The following GAS2 variants were observed in gnomAD, a reference collection of about 807,000 sequenced individuals.
GAS2 encodes growth arrest specific 2.
GAS2 carries 20 observed loss-of-function variants against 37.5 expected under a neutral mutation model. That is an observed-to-expected ratio of 0.53 (90% CI 0.37 to 0.77). The LOEUF (loss-of-function observed/expected upper bound fraction) is 0.77, where lower values mean the gene tolerates loss of function less well. Ranked by LOEUF, GAS2 falls within the 30% of genes least tolerant of loss-of-function variation. The pLI is 0.00. For synonymous variants in GAS2, 144 were observed against 132.2 expected, an observed-to-expected ratio of 1.09 and a Z score of -0.61; for missense variants, 336 against 373.4, an observed-to-expected ratio of 0.90 and a Z score of 0.82.
intron 3 of GAS2, among the ~76,000 whole-genome samples, chr11:22,696,294 A>G (rs1230687281): frequency 6.6e-6 from 1 of 151,938 alleles, no homozygotes; most frequent in Non-Finnish European, 1.5e-5. Flanking sequence ...ATGGCTGCAT[A>G]GTATTCCATG....
At chr11:22,711,635 G>T (rs984332175) in intron 3 of GAS2, among the ~76,000 whole-genome samples, 3 of 152,200 alleles carry the variant, frequency 2.0e-5, no homozygotes, top group African/African-American at 7.2e-5. Flanking sequence ...CTCACAAGCT[G>T]CCTGGATATA....
chr11:22,654,088 A>G (rs1488283638), intron 1 of GAS2, among the ~76,000 whole-genome samples: 1 of 152,216 alleles, frequency 6.6e-6, no homozygotes. Context: ...TGTGGACTAG[A>G]TATAAACTAA....
intron 4 of GAS2, among the ~76,000 whole-genome samples, chr11:22,732,770 T>TATC (rs35919121): frequency 0.43 from 62,571 of 145,678 alleles, 13,856 homozygotes; most frequent in Middle Eastern, 0.55. Flanking sequence ...CCCCTCCATT[T>TATC]ATCATCATCA....
chr11:22,761,340 G>T (rs547653518), intron 7 of GAS2, among the ~76,000 whole-genome samples: 15 of 152,118 alleles, frequency 9.9e-5, no homozygotes, highest in Non-Finnish European at 2.1e-4. Flanking sequence ...GACAGCCCCA[G>T]TGAATAGAAC....
intron 7 of GAS2, among the ~76,000 whole-genome samples, chr11:22,797,292 A>G (rs947322148): frequency 2.6e-5 from 4 of 152,102 alleles, no homozygotes; most frequent in Admixed American, 6.6e-5. Context: ...GTTTGCTTCC[A>G]GAAAGAGGCT....
intron 7 of GAS2, among the ~76,000 whole-genome samples, chr11:22,805,609 A>G (rs181752838): frequency 1.6e-4 from 24 of 152,222 alleles, no homozygotes; most frequent in Admixed American, 1.3e-3. Context: ...TAGATTCCAC[A>G]TATGAGTGAA....
chr11:22,694,767 T>C (rs1323780515), intron 3 of GAS2, among the ~76,000 whole-genome samples: 6 of 152,128 alleles, frequency 3.9e-5, no homozygotes, highest in Non-Finnish European at 8.8e-5. Flanking sequence ...GTAAATTAAT[T>C]TTGCTGAATC....
At chr11:22,755,366 C>A (rs1853970293) in intron 6 of GAS2, among the ~76,000 whole-genome samples, 1 of 151,860 alleles carries the variant, frequency 6.6e-6, no homozygotes, top group African/African-American at 2.4e-5. Context: ...ACAATAGTCT[C>A]CTTAAAAAAA....
chr11:22,713,778 G>GTCT (rs1851526591), intron 3 of GAS2, among the ~76,000 whole-genome samples: 1 of 152,072 alleles, frequency 6.6e-6, no homozygotes, highest in Non-Finnish European at 1.5e-5. Flanking sequence ...GAGAGATAAA[G>GTCT]TCTTTTTCAG....
intron 3 of GAS2, among the ~76,000 whole-genome samples, chr11:22,721,492 A>G (rs1030433307): frequency 1.3e-5 from 2 of 152,044 alleles, no homozygotes; most frequent in African/African-American, 4.8e-5. Flanking sequence ...AGAGACATGG[A>G]GATGATTTAG....
chr11:22,811,296 G>A (rs1036462553), intron 7 of GAS2, among the ~76,000 whole-genome samples: 1 of 152,096 alleles, frequency 6.6e-6, no homozygotes, highest in Non-Finnish European at 1.5e-5. Flanking sequence ...CAATGACTGG[G>A]GAAAACTCCA....
chr11:22,784,434 A>G (rs958949943), intron 7 of GAS2, among the ~76,000 whole-genome samples: 4 of 151,852 alleles, frequency 2.6e-5, no homozygotes, highest in African/African-American at 9.7e-5. Flanking sequence ...CCATATACCA[A>G]CCTCCCCAGG....
At chr11:22,776,915 G>A (rs563527553) in intron 7 of GAS2, among the ~76,000 whole-genome samples, 6 of 152,232 alleles carry the variant, frequency 3.9e-5, no homozygotes, top group African/African-American at 9.6e-5. Context: ...TTCTAAACTG[G>A]CCTCTCAGCT....
rs147005828 is a variant in GAS2 at position 22,720,633 on chromosome 11, C to T, written c.268-5659C>T. Among the ~76,000 whole-genome samples, 177 of 151,954 alleles carry T rather than the reference C, an allele frequency of 1.2e-3. 2 individuals are homozygous for T. The highest frequency in any genetic ancestry group is 3.6e-3 in the African/African-American group (151 of 41,496). The stretch of plus-strand genomic sequence containing the variant: ...TGGAAAGAGTGAGTTTATTGCCTGC[C>T]TATTTGAACCGTACACTCTATATAC... On this transcript the variant is annotated intron_variant, in intron 3 of 7. Transcript: ENST00000454584.
chr11:22,645,745 G>C (rs1394199086), intron 1 of GAS2, among the ~76,000 whole-genome samples: 1 of 151,632 alleles, frequency 6.6e-6, no homozygotes, highest in African/African-American at 2.4e-5. Context: ...ATTTTGAATT[G>C]TGCCATTATA....
At chr11:22,722,281 C>A (rs1851988062) in intron 3 of GAS2, among the ~76,000 whole-genome samples, 1 of 151,936 alleles carries the variant, frequency 6.6e-6, no homozygotes. Flanking sequence ...TAGGGTCAAT[C>A]AACCAATGTA....
At chr11:22,634,649 G>T (rs898215893) in intron 1 of GAS2, among the ~76,000 whole-genome samples, 5 of 152,148 alleles carry the variant, frequency 3.3e-5, no homozygotes, top group African/African-American at 4.8e-5. Flanking sequence ...TCCTGCTGCT[G>T]CTCTTCTGAT....
intron 5 of GAS2, among the ~76,000 whole-genome samples, chr11:22,740,291 G>A (rs750258935): frequency 2.0e-5 from 3 of 151,962 alleles, no homozygotes; most frequent in Non-Finnish European, 2.9e-5. Context: ...TCATTTCCAC[G>A]CAACCTGATA....
intron 1 of GAS2, among the ~76,000 whole-genome samples, chr11:22,658,119 A>G (rs1393124686): frequency 6.6e-6 from 1 of 150,810 alleles, no homozygotes; most frequent in Non-Finnish European, 1.5e-5. Flanking sequence ...TCCACCTCCC[A>G]GGTTCAAGTG....
Sources: gnomAD v4.1 joint callset for allele counts (sites outside exome capture counted in the v4.1 genomes callset) on GRCh38, gnomAD v4.1.1 for gene constraint, MANE v1.5 for transcripts, NCBI Gene and HGNC (gene_info 2026-07-23, HGNC 2026-07-21) for gene names.